Variants in RNF122 observed in about 807,000 individuals in gnomAD.
RNF122 encodes ring finger protein 122.
RNF122 carries 17 observed loss-of-function variants against 24.2 expected under a neutral mutation model. The ratio of observed to expected loss-of-function variants is 0.70; its 90% CI spans 0.48 to 1.06. The LOEUF is 1.06. Ranked by LOEUF, RNF122 falls within the 50% of genes least tolerant of loss-of-function variation. RNF122 has a pLI of 0.00. For synonymous variants in RNF122, 65 were observed against 71.8 expected, an observed-to-expected ratio of 0.91 and a Z score of 0.48; for missense variants, 168 against 198.1, an observed-to-expected ratio of 0.85 and a Z score of 0.91.
At chr8:33,550,461 C>T (rs1810358426) in intron 4 of RNF122, among the ~76,000 whole-genome samples, 1 of 152,080 alleles carries the variant, frequency 6.6e-6, no homozygotes, top group South Asian at 2.1e-4. Flanking sequence ...TGGTCATGAA[C>T]AGGAGCCTTG....
intron 1 of RNF122, among the ~76,000 whole-genome samples, chr8:33,565,726 C>T (rs959261530): frequency 6.6e-6 from 1 of 152,204 alleles, no homozygotes; most frequent in East Asian, 1.9e-4. Flanking sequence ...GGAGGTGTGG[C>T]CTTCACTTGG....
intron 1 of RNF122, among the ~76,000 whole-genome samples, chr8:33,560,004 G>A (rs748608225): frequency 6.6e-6 from 1 of 151,988 alleles, no homozygotes; most frequent in Non-Finnish European, 1.5e-5. Flanking sequence ...ACCATGCCCG[G>A]CTAATTTTTG....
At chr8:33,558,099 C>T (rs1810482850) in intron 2 of RNF122, among the ~76,000 whole-genome samples, 1 of 152,102 alleles carries the variant, frequency 6.6e-6, no homozygotes, top group Non-Finnish European at 1.5e-5. Flanking sequence ...GCTGAGATTG[C>T]ACTCCAGCCT....
chr8:33,565,435 G>A (rs1384429805), intron 1 of RNF122, among the ~76,000 whole-genome samples: 1 of 152,046 alleles, frequency 6.6e-6, no homozygotes, highest in Non-Finnish European at 1.5e-5. Flanking sequence ...AAGGCCAGCT[G>A]CTTCCCATCT....
rs776996573 is a variant in RNF122, at chr8:33,549,935, GT to G, written c.271-444del. The stretch of plus-strand genomic sequence containing the variant: ...GGGCATGGTATATGTGATCAGTTAT[GT>G]TTTTTTTTTTTTTTGAGATGGAGTT... On this transcript the variant is annotated intron_variant, in intron 4 of 5. Coordinates refer to ENST00000256257, the MANE Select transcript of RNF122 (RefSeq NM_024787.3). Among the ~76,000 whole-genome samples the G allele has an allele frequency of 4.6e-3, 641 of 140,084 alleles. 2 individuals carry two copies. The highest frequency in any genetic ancestry group is 0.019 in the Middle Eastern group (5 of 262). The allele number at this position is 140,084 out of a possible 152,430, so 91.9% of individuals were successfully genotyped here.
intron 4 of RNF122, 73 bp from the exon 5 acceptor site, chr8:33,549,565 C>T: frequency 1.7e-6 from 2 of 1,178,620 alleles, no homozygotes; most frequent in South Asian, 1.2e-5. Flanking sequence ...GACAAGAAAA[C>T]TAAGCTCTAG....
chr8:33,561,957 CTACT>C, intron 1 of RNF122, among the ~76,000 whole-genome samples: 1 of 152,170 alleles, frequency 6.6e-6, no homozygotes. Context: ...TTCTCCAATA[CTACT>C]CCATGTGGGC....
rs1418072156 is a variant in RNF122, at chr8:33,548,502, G to A, written c.*251C>T. The A allele has an allele frequency of 2.4e-6, 1 of 414,070 alleles. No individual in the cohort carries two copies. The highest frequency in any genetic ancestry group is 2.0e-5 in the African/African-American group (1 of 50,346). The allele number at this position is 414,070 out of a possible 1,614,324, so 25.6% of individuals were successfully genotyped here. A position where few individuals can be genotyped will look rare whatever the true frequency, so the allele number is the denominator to read the frequency against. ...AAGGCAGGTAGATAGTCCAGTACCA[G>A]GAGACAGTGGTCTTGATGGGTGAGG... On this transcript the variant is annotated 3_prime_UTR_variant, in exon 6 of 6. Coordinates refer to ENST00000256257, the MANE Select transcript of RNF122 (RefSeq NM_024787.3).
rs913280268 is a variant in RNF122, at chr8:33,549,511, A to C, written c.271-19T>G. The C allele has an allele frequency of 2.5e-6, 4 of 1,589,698 alleles. No individual in the cohort carries two copies. Among genetic ancestry groups the C allele is most frequent in the African/African-American group, 2.7e-5 (2 of 74,458 alleles). On this transcript the variant is annotated intron_variant, in intron 4 of 5. Transcript: ENST00000256257. ...AGGTCTGCTGCAGAGAGAAAAGAGC[A>C]GGTGTGTGAGGAACTGGGGAACCAT...
chr8:33,553,575 AT>A (rs1286346954), intron 2 of RNF122, among the ~76,000 whole-genome samples: 4 of 151,832 alleles, frequency 2.6e-5, no homozygotes, highest in Non-Finnish European at 4.4e-5. Flanking sequence ...TGGCAAAAAA[AT>A]TTTTTTTAAA....
chr8:33,555,542 A>T (rs1231504221), intron 2 of RNF122, among the ~76,000 whole-genome samples: 2 of 152,244 alleles, frequency 1.3e-5, no homozygotes, highest in Non-Finnish European at 2.9e-5. Context: ...AAAAGAAATC[A>T]GCAATTCACA....
In RNF122 at chr8:33,566,684, GC is replaced by G. The variant is rs1810629958; in HGVS notation, c.25+14del. On this transcript the variant is annotated intron_variant, in intron 1 of 5. Coordinates refer to ENST00000256257, the MANE Select transcript of RNF122 (RefSeq NM_024787.3). ...CCAGCCCCACGTAGGCTCGGCCCTC[GC>G]CCCGGGGACTCACCGTTACACCACT... The G allele has an allele frequency of 4.4e-6, 7 of 1,598,284 alleles. No individual in the cohort carries two copies. Among genetic ancestry groups the G allele is most frequent in the Non-Finnish European group, 6.0e-6 (7 of 1,173,758 alleles).
At position 33,556,933 on chromosome 8, in the gene RNF122, C is replaced by G. The variant is rs566952462; in HGVS notation, c.182+1682G>C. 7.9e-5 allele frequency among the ~76,000 whole-genome samples: 12 copies of G among 152,310 alleles called. No homozygotes were observed. The South Asian group carries it at 2.1e-3, about 26-fold the overall frequency. The stretch of plus-strand genomic sequence containing the variant: ...CTTCCCCTTCTTAGAGGGAGCTCTT[C>G]CAGCCTTGGAGAAGATGGACTAGTA... On this transcript the variant is annotated intron_variant, in intron 2 of 5. Coordinates refer to ENST00000256257, the MANE Select transcript of RNF122 (RefSeq NM_024787.3).
intron 1 of RNF122, among the ~76,000 whole-genome samples, chr8:33,565,182 C>A (rs1180225999): frequency 6.6e-6 from 1 of 152,118 alleles, no homozygotes; most frequent in Admixed American, 6.6e-5. Flanking sequence ...TTCCTCAACC[C>A]CCATCCTCTG....
intron 2 of RNF122, 80 bp from the exon 3 acceptor site, chr8:33,551,469 G>A: frequency 6.8e-7 from 1 of 1,461,506 alleles, no homozygotes; most frequent in Admixed American, 1.7e-5. Context: ...GGCTGCTTGG[G>A]CATTCTTCCG....
Position 33,548,808 on chromosome 8 carries a change from G to A in RNF122, c.413C>T (p.Ala138Val). The change falls in exon 6 of 6, where the codon GCT becomes GTT. Residue 138 changes from alanine to valine, a missense_variant. Coordinates refer to ENST00000256257, the MANE Select transcript of RNF122 (RefSeq NM_024787.3). ...CVCPMCNKPI[A>V]SPSEATQNIG... ...GTTCTGCGTGGCCTCTGAGGGACTA[G>A]CAATGGGCTTGTTACACATGGGGCA... 6.2e-7 allele frequency: 1 copy of A among 1,614,062 alleles called. No homozygotes were observed. Among genetic ancestry groups the A allele is most frequent in the Non-Finnish European group, 8.5e-7 (1 of 1,179,988 alleles).
At chr8:33,556,938 C>T (rs1354301051) in intron 2 of RNF122, among the ~76,000 whole-genome samples, 1 of 152,200 alleles carries the variant, frequency 6.6e-6, no homozygotes, top group African/African-American at 2.4e-5. Context: ...CTCTTCCAGC[C>T]TTGGAGAAGA....
Position 33,566,763 on chromosome 8 carries a change from A to AGGCGGGGTGCCAGGAG in RNF122, c.-56_-41dup. 2 of 1,592,092 alleles carry AGGCGGGGTGCCAGGAG rather than the reference A, an allele frequency of 1.3e-6. No homozygotes were observed. Among genetic ancestry groups the AGGCGGGGTGCCAGGAG allele is most frequent in the Non-Finnish European group, 1.7e-6 (2 of 1,170,226 alleles). On this transcript the variant is annotated 5_prime_UTR_variant, in exon 1 of 6. Coordinates refer to ENST00000256257, the MANE Select transcript of RNF122 (RefSeq NM_024787.3). The stretch of plus-strand genomic sequence containing the variant: ...TTGGCTTCCTCGGGCGAACGGACGC[A>AGGCGGGGTGCCAGGAG]GGCGGGGTGCCAGGAGGGCGGGGTG...
intron 1 of RNF122, among the ~76,000 whole-genome samples, chr8:33,561,789 C>A (rs1272155870): frequency 6.6e-6 from 1 of 152,120 alleles, no homozygotes; most frequent in Non-Finnish European, 1.5e-5. Flanking sequence ...GTGATCCACC[C>A]GTCTTGGCCT....
Sources: allele counts gnomAD v4.1 joint callset (sites outside exome capture counted in the v4.1 genomes callset), GRCh38; gene constraint gnomAD v4.1.1; transcripts MANE v1.5; gene names NCBI Gene and HGNC (gene_info 2026-07-23, HGNC 2026-07-21).